Variants in SLC15A1 observed in about 807,000 individuals in gnomAD.
SLC15A1 encodes the protein solute carrier family 15 member 1.
SLC15A1 carries 83 observed loss-of-function variants against 92.9 expected under a neutral mutation model. The observed-to-expected ratio is 0.89, with a 90% CI of 0.75 to 1.07. SLC15A1 has a LOEUF of 1.07. SLC15A1 is among the 50% of genes least tolerant of loss of function. The pLI is 0.00. For missense variants in SLC15A1, 857 were observed against 880.1 expected, an observed-to-expected ratio of 0.97 and a Z score of 0.33; for synonymous variants, 322 against 318.2, an observed-to-expected ratio of 1.01 and a Z score of -0.13.
intron 16 of SLC15A1, among the ~76,000 whole-genome samples, chr13:98,704,697 T>A (rs567211209): frequency 6.6e-6 from 1 of 152,296 alleles, no homozygotes; most frequent in South Asian, 2.1e-4. Flanking sequence ...TTATCAAAAA[T>A]AAATACTATG....
chr13:98,726,684 A>G (rs1430962503), intron 2 of SLC15A1, 159 bp downstream of exon 2: 5 of 793,218 alleles, frequency 6.3e-6, no homozygotes, highest in Non-Finnish European at 1.1e-5. Flanking sequence ...GATTATCCAC[A>G]GCATTTCCTC....
intron 1 of SLC15A1, among the ~76,000 whole-genome samples, chr13:98,735,681 T>C (rs1207777815): frequency 6.6e-6 from 1 of 152,164 alleles, no homozygotes; most frequent in African/African-American, 2.4e-5. Flanking sequence ...ATCACAAGCA[T>C]TCCTATACAC....
intron 1 of SLC15A1, among the ~76,000 whole-genome samples, chr13:98,746,974 T>C (rs1431601510): frequency 1.3e-5 from 2 of 152,096 alleles, no homozygotes; most frequent in African/African-American, 2.4e-5. Context: ...TGTGTTCTCA[T>C]AGCTGCCCTC....
chr13:98,741,395 T>C (rs2088443641), intron 1 of SLC15A1, among the ~76,000 whole-genome samples: 1 of 152,138 alleles, frequency 6.6e-6, no homozygotes, highest in Admixed American at 6.5e-5. Flanking sequence ...GAGGGATCAC[T>C]TGAGTCCAGG....
intron 18 of SLC15A1, among the ~76,000 whole-genome samples, chr13:98,695,209 A>G (rs995527880): frequency 6.6e-6 from 1 of 152,164 alleles, no homozygotes; most frequent in Non-Finnish European, 1.5e-5. Flanking sequence ...AATGTATAAC[A>G]TTTAAAAAGT....
At chr13:98,684,936 G>A (rs748741897) in intron 22 of SLC15A1, 21 bp from the exon 23 acceptor site, 57 of 1,595,406 alleles carry the variant, frequency 3.6e-5, no homozygotes, top group Non-Finnish European at 4.6e-5. Flanking sequence ...ATCAGAGTTG[G>A]AGCAGGAAAA....
intron 4 of SLC15A1, 79 bp from the exon 5 acceptor site, chr13:98,724,110 C>T: frequency 2.5e-6 from 4 of 1,570,664 alleles, no homozygotes; most frequent in Non-Finnish European, 1.7e-6. Flanking sequence ...AAAAGACCCC[C>T]TCCTTGAAAG....
intron 21 of SLC15A1, 89 bp downstream of exon 21, chr13:98,687,492 T>C (rs987134703): frequency 2.0e-6 from 3 of 1,464,672 alleles, no homozygotes; most frequent in Middle Eastern, 1.8e-4. Flanking sequence ...TTAAAAAATA[T>C]AGTTATCCCA....
At chr13:98,724,370 G>A (rs868617627) in intron 4 of SLC15A1, among the ~76,000 whole-genome samples, 2 of 152,260 alleles carry the variant, frequency 1.3e-5, no homozygotes, top group Middle Eastern at 6.8e-3. Context: ...CAGGTGTGGT[G>A]GTGCATGCCT....
intron 16 of SLC15A1, among the ~76,000 whole-genome samples, chr13:98,705,553 TC>T (rs1364628803): frequency 6.6e-6 from 1 of 152,158 alleles, no homozygotes; most frequent in African/African-American, 2.4e-5. Flanking sequence ...GCAGCAGCAT[TC>T]CTGAGAGCTA....
In SLC15A1 at chr13:98,703,703, T is replaced by G. The variant is rs556292661; in HGVS notation, c.1416+586A>C. On this transcript the variant is annotated intron_variant, in intron 17 of 22. Transcript: ENST00000376503. ...ACCCAAGTAGCTGGGACGACAGGCA[T>G]GCACCACCACACTCAGCTAATTTTT... 2.6e-5 allele frequency among the ~76,000 whole-genome samples: 4 copies of G among 151,944 alleles called. No individual in the cohort carries two copies. The South Asian group carries it at 8.3e-4, about 32-fold the overall frequency.
At chr13:98,692,334 A>G (rs1203620536) in intron 18 of SLC15A1, among the ~76,000 whole-genome samples, 1 of 150,834 alleles carries the variant, frequency 6.6e-6, no homozygotes, top group Non-Finnish European at 1.5e-5. Flanking sequence ...TTAAATTCTT[A>G]TATTTGCAGA....
intron 1 of SLC15A1, among the ~76,000 whole-genome samples, chr13:98,737,802 G>A (rs919318769): frequency 5.3e-5 from 8 of 152,212 alleles, no homozygotes; most frequent in South Asian, 2.1e-4. Context: ...GCTTTGGAAC[G>A]GGCATAGGTC....
chr13:98,726,773 C>T lies in SLC15A1; in HGVS notation c.21+70G>A, dbSNP rs1032674780. 4.9e-5 allele frequency: 72 copies of T among 1,458,448 alleles called. 2 individuals are homozygous for T. The highest frequency in any genetic ancestry group is 4.8e-6 in the Non-Finnish European group (5 of 1,039,182). The allele number at this position is 1,458,448 out of a possible 1,614,324, so 90.3% of individuals were successfully genotyped here. ...TGTACAGATCTGTTAGGTGAATGAA[C>T]CCTTAGGGGTAAAACAGATGATAAA... On this transcript the variant is annotated intron_variant, in intron 2 of 22. Transcript: ENST00000376503.
Position 98,684,890 on chromosome 13 carries a change from G to A in SLC15A1, c.1961C>T (p.Ala654Val), listed in dbSNP as rs374410940. The change falls in exon 23 of 23, where the codon GCG becomes GTG. Residue 654 changes from alanine (A) to valine (V), a missense_variant. Ala to Val is a moderately conservative substitution (Grantham distance 64). Coordinates refer to ENST00000376503, the MANE Select transcript of SLC15A1 (RefSeq NM_005073.4). ...KQWAEYILFA[A>V]LLLVVCVIFA... ...AATTACACAGACGACCAGAAGCAAC[G>A]CGGCAAATAGAATGTACTCGGCCCA... 1.7e-5 allele frequency: 27 copies of A among 1,613,466 alleles called. No homozygotes were observed. Among genetic ancestry groups the A allele is most frequent in the Middle Eastern group, 1.6e-4 (1 of 6,084 alleles).
Position 98,730,773 on chromosome 13 carries a change from T to C in SLC15A1, c.5-3914A>G, listed in dbSNP as rs1273087133. On this transcript the variant is annotated intron_variant, in intron 1 of 22. Transcript: ENST00000376503. ...CGTTTCCTAAGGCCCCGTTTATCAG[T>C]CACAGAGCACAGTGCTCAGATCCAG... 2.0e-5 allele frequency among the ~76,000 whole-genome samples: 3 copies of C among 152,298 alleles called. No individual in the cohort carries two copies. In the East Asian group the frequency reaches 5.8e-4, roughly 30 times the overall value.
rs1555323274 is a variant in SLC15A1, at chr13:98,711,878, C to A, written c.876G>T (p.Met292Ile). 6.2e-7 allele frequency: 1 copy of A among 1,613,744 alleles called. No homozygotes were observed. The highest frequency in any genetic ancestry group is 8.5e-7 in the Non-Finnish European group (1 of 1,179,882). Residue 292 changes from methionine to isoleucine, a missense_variant, in exon 11 of 23, where the codon ATG becomes ATT. Coordinates refer to ENST00000376503, the MANE Select transcript of SLC15A1 (RefSeq NM_005073.4). ...CCTGCTGGTCAAACAAGGCCCAGAA[C>A]ATTGGGAGTGGAATATACAGGAACA... ...RVMFLYIPLP[M>I]FWALFDQQGS... is the part of the protein sequence containing the mutation.
intron 15 of SLC15A1, among the ~76,000 whole-genome samples, chr13:98,706,486 T>C (rs1002104630): frequency 2.0e-5 from 3 of 152,174 alleles, no homozygotes; most frequent in Non-Finnish European, 2.9e-5. Flanking sequence ...AAATCTCATC[T>C]TGAATTGTAG....
chr13:98,709,470 C>T (rs1479593848), intron 14 of SLC15A1, 102 bp downstream of exon 14: 2 of 829,698 alleles, frequency 2.4e-6, no homozygotes, highest in African/African-American at 3.4e-5. Flanking sequence ...AAACCCTATC[C>T]TCTAGGCGAG....
Sources: allele counts gnomAD v4.1 joint callset (sites outside exome capture counted in the v4.1 genomes callset), GRCh38; gene constraint gnomAD v4.1.1; transcripts MANE v1.5; gene names NCBI Gene and HGNC (gene_info 2026-07-23, HGNC 2026-07-21).